CLCA4: variants seen among roughly 807,000 people sequenced by gnomAD.
The protein encoded by CLCA4 is calcium-activated chloride channel regulator 4.
Under a neutral mutation model 78.9 loss-of-function variants are expected in CLCA4, and 69 were observed. The ratio of observed to expected loss-of-function variants is 0.87; its 90% CI spans 0.72 to 1.07. The LOEUF is 1.07. Among genes scored for constraint, CLCA4 ranks in the 50% least tolerant of loss-of-function variants. CLCA4 has a pLI of 0.00. For synonymous variants in CLCA4, 362 were observed against 375.8 expected, an observed-to-expected ratio of 0.96 and a Z score of 0.42; for missense variants, 1,133 against 1,095.8, an observed-to-expected ratio of 1.03 and a Z score of -0.48.
chr1:86,577,880 A>T, intron 11 of CLCA4, 22 bp from the exon 12 acceptor site: 10 of 1,553,680 alleles, frequency 6.4e-6, no homozygotes, highest in East Asian at 2.3e-5. Context: ...ACAAGACTTT[A>T]TTCCTTCATT....
chr1:86,554,948 T>A (rs900966394), intron 1 of CLCA4, among the ~76,000 whole-genome samples: 1 of 152,042 alleles, frequency 6.6e-6, no homozygotes, highest in African/African-American at 2.4e-5. Context: ...GTGTGTTTCT[T>A]TAATGATCAG....
At chr1:86,552,244 C>T (rs530953298) in intron 1 of CLCA4, among the ~76,000 whole-genome samples, 6 of 151,938 alleles carry the variant, frequency 3.9e-5, no homozygotes, top group Non-Finnish European at 8.8e-5. Flanking sequence ...TTGCCCAAAA[C>T]ACTTAAAACT....
intron 8 of CLCA4, among the ~76,000 whole-genome samples, chr1:86,571,623 G>C (rs375809374): frequency 6.6e-5 from 10 of 152,008 alleles, no homozygotes; most frequent in African/African-American, 2.4e-4. Flanking sequence ...AGAAAAAGGG[G>C]GTAAGAAAAG....
At chr1:86,562,382 C>T (rs1285258015) in intron 3 of CLCA4, among the ~76,000 whole-genome samples, 11 of 152,074 alleles carry the variant, frequency 7.2e-5, no homozygotes, top group Non-Finnish European at 1.6e-4. Flanking sequence ...GCCTAGGAAA[C>T]CTGAAACCAG....
intron 8 of CLCA4, among the ~76,000 whole-genome samples, chr1:86,571,678 C>A (rs550944915): frequency 1.3e-5 from 2 of 151,996 alleles, no homozygotes; most frequent in African/African-American, 4.8e-5. Flanking sequence ...GGTGACAATG[C>A]AAGGCGCATG....
chr1:86,565,805 G>A lies in CLCA4; in HGVS notation c.739G>A (p.Val247Ile), dbSNP rs545676551. 5 of 1,510,316 alleles carry A rather than the reference G, an allele frequency of 3.3e-6. No individual in the cohort carries two copies. The highest frequency in any genetic ancestry group is 4.5e-5 in the Admixed American group (2 of 44,706). The allele number at this position is 1,510,316 out of a possible 1,614,324, so 93.6% of individuals were successfully genotyped here. A position where few individuals can be genotyped will look rare whatever the true frequency, so the allele number is the denominator to read the frequency against. Residue 247 changes from valine (V) to isoleucine (I), a missense_variant, in exon 6 of 14, where the codon GTT (valine) becomes ATT (isoleucine). Physicochemically the swap from Val to Ile is conservative, Grantham distance 29. Coordinates refer to ENST00000370563, the MANE Select transcript of CLCA4 (RefSeq NM_012128.4). ...TTTTATTTTATTAACCTTTTAGGTT[G>A]TTGAATTTTGTAACGAAAAAACCCA... ...IMFMQSIDSV[V>I]EFCNEKTHNQ...
rs1650462714 is a variant in CLCA4, at chr1:86,574,884, C to T, written c.1683+129C>T. ...ATTAAGATAAAATAGTATGTACTTTCCATGCCTGTGTCCTTAAAACTATGA... is the reference window on the plus strand; with the variant it reads ...ATTAAGATAAAATAGTATGTACTTTTCATGCCTGTGTCCTTAAAACTATGA... On this transcript the variant is annotated intron_variant, in intron 10 of 13. Coordinates refer to ENST00000370563, the MANE Select transcript of CLCA4 (RefSeq NM_012128.4). The T allele has an allele frequency of 7.3e-6, 5 of 683,498 alleles. No individual in the cohort carries two copies. In the East Asian group the frequency reaches 1.4e-4, roughly 19 times the overall value. 42.3% of individuals were successfully genotyped at this position (683,498 alleles called of 1,614,324 possible).
At position 86,552,368 on chromosome 1, in the gene CLCA4, G is replaced by C. The variant is rs1274403256; in HGVS notation, c.159+5090G>C. 2.0e-5 allele frequency among the ~76,000 whole-genome samples: 3 copies of C among 152,210 alleles called. No individual in the cohort carries two copies. In the East Asian group the frequency reaches 5.8e-4, roughly 29 times the overall value. On this transcript the variant is annotated intron_variant, in intron 1 of 13. Coordinates refer to ENST00000370563, the MANE Select transcript of CLCA4 (RefSeq NM_012128.4). Reference sequence around the variant, plus strand: ...ACGAAGGGCCCAGGGCTGTAAGGACGTCAGGACCGGTCCAGAGAGGAGAAG... The same window carrying C: ...ACGAAGGGCCCAGGGCTGTAAGGACCTCAGGACCGGTCCAGAGAGGAGAAG...
chr1:86,552,383 G>A lies in CLCA4; in HGVS notation c.159+5105G>A, dbSNP rs1412553489. ...CTGTAAGGACGTCAGGACCGGTCCA[G>A]AGAGGAGAAGTCTTCCAGGAGAACA... On this transcript the variant is annotated intron_variant, in intron 1 of 13. Transcript: ENST00000370563. Among the ~76,000 whole-genome samples, 8 of 152,340 alleles carry A rather than the reference G, an allele frequency of 5.3e-5. No individual in the cohort carries two copies. The East Asian group carries it at 1.5e-3, about 29-fold the overall frequency.
chr1:86,565,676 T>C (rs1054426340), intron 5 of CLCA4, 126 bp from the exon 6 acceptor site: 4 of 638,506 alleles, frequency 6.3e-6, no homozygotes, highest in Non-Finnish European at 1.0e-5. Context: ...ATATTGATGC[T>C]CAGTAAATGA....
Position 86,563,646 on chromosome 1 carries a change from A to G in CLCA4, c.449-15A>G, listed in dbSNP as rs777159392. 1.4e-6 allele frequency: 2 copies of G among 1,387,408 alleles called. No homozygotes were observed. Among genetic ancestry groups the G allele is most frequent in the Admixed American group, 4.0e-5 (2 of 49,696 alleles). The allele number at this position is 1,387,408 out of a possible 1,614,324, so 85.9% of individuals were successfully genotyped here. On this transcript the variant is annotated splice_polypyrimidine_tract_variant and intron_variant, in intron 3 of 13. Transcript: ENST00000370563. ...ACTTGGATTATGATCATGTATTTGA[A>G]ATGCTTTCCCACAGGCAAACTGTTT...
chr1:86,580,029 T>C lies in CLCA4; in HGVS notation c.2444T>C (p.Leu815Pro). 1 of 1,612,132 alleles carries C rather than the reference T, an allele frequency of 6.2e-7. No individual in the cohort carries two copies. Among genetic ancestry groups the C allele is most frequent in the Non-Finnish European group, 8.5e-7 (1 of 1,178,650 alleles). The change falls in exon 14 of 14, where the codon CTG becomes CCG. Residue 815 changes from leucine (L) to proline (P), a missense_variant. Physicochemically the swap from Leu to Pro is moderately conservative, Grantham distance 98. Transcript: ENST00000370563. ...DDALQVNTTD[L>P]SPKEANSKES... ...GCTCTTCAAGTAAATACTACTGATC[T>C]GTCACCAAAGGAGGCCAACTCCAAG...
intron 10 of CLCA4, 21 bp downstream of exon 10, chr1:86,574,776 C>T (rs753176853): frequency 1.3e-6 from 2 of 1,547,642 alleles, no homozygotes; most frequent in African/African-American, 1.4e-5. Flanking sequence ...AGCTTTTAGA[C>T]TTCCTGTCAA....
At chr1:86,551,120 C>A (rs1469105794) in intron 1 of CLCA4, among the ~76,000 whole-genome samples, 1 of 151,974 alleles carries the variant, frequency 6.6e-6, no homozygotes, top group East Asian at 1.9e-4. Context: ...CGTGAGCCAC[C>A]GCACCCAGCC....
intron 1 of CLCA4, 77 bp downstream of exon 1, chr1:86,547,355 A>G (rs1649534720): frequency 1.8e-6 from 2 of 1,120,432 alleles, no homozygotes; most frequent in Admixed American, 6.1e-5. Context: ...AATTGTACAT[A>G]TTTATGGCAT....
intron 7 of CLCA4, among the ~76,000 whole-genome samples, chr1:86,568,132 C>T (rs1396173547): frequency 2.0e-5 from 3 of 151,750 alleles, no homozygotes; most frequent in East Asian, 1.9e-4. Context: ...GTAAGCCATA[C>T]GAGTTAGAGC....
chr1:86,576,865 G>T lies in CLCA4; in HGVS notation c.1952-1037G>T, dbSNP rs551644674. ...TCTGCACAGATGGGTGATGCCTAAAGACCCTTTCCCTAGATTCTGGATTGT... is the reference window on the plus strand; with the variant it reads ...TCTGCACAGATGGGTGATGCCTAAATACCCTTTCCCTAGATTCTGGATTGT... On this transcript the variant is annotated intron_variant, in intron 11 of 13. Coordinates refer to ENST00000370563, the MANE Select transcript of CLCA4 (RefSeq NM_012128.4). Among the ~76,000 whole-genome samples, 6 of 152,120 alleles carry T rather than the reference G, an allele frequency of 3.9e-5. No homozygotes were observed. In the South Asian group the frequency reaches 1.2e-3, roughly 32 times the overall value.
rs201791111 is a variant in CLCA4 at position 86,574,543 on chromosome 1, G to A, written c.1471G>A (p.Glu491Lys). ...ATTTTGAAATCTATTTAAACAGCTC[G>A]AAAGTAAGGGATTAACACTGAATAG... is the stretch of plus-strand genomic sequence containing the variant. ...TDLSQKSLQL[E>K]SKGLTLNSNA... Residue 491 changes from glutamate (E) to lysine (K), a missense_variant, in exon 10 of 14, where the codon GAA becomes AAA. Glu to Lys is a moderately conservative substitution (Grantham distance 56). Coordinates refer to ENST00000370563, the MANE Select transcript of CLCA4 (RefSeq NM_012128.4). 52 of 1,610,384 alleles carry A rather than the reference G, an allele frequency of 3.2e-5. No individual in the cohort carries two copies. Among genetic ancestry groups the A allele is most frequent in the East Asian group, 1.6e-4 (7 of 44,800 alleles).
In CLCA4 at chr1:86,565,310, T is replaced by A. The variant is rs768222952; in HGVS notation, c.594T>A (p.Tyr198Ter). 6.2e-7 allele frequency: 1 copy of A among 1,608,002 alleles called. No individual in the cohort carries two copies. Among genetic ancestry groups the A allele is most frequent in the South Asian group, 1.1e-5 (1 of 89,912 alleles). ...GTATCTCTGGTAGAAATAGAGTTTA[T>A]AAGTGTCAAGGAGGCAGCTGTCTTA... is the stretch of plus-strand genomic sequence containing the variant. The part of the protein sequence containing the change: ...SAGISGRNRV[Y>*]KCQGGSCLSR... The change falls in exon 5 of 14, where the codon TAT becomes TAA. Residue 198 changes from tyrosine (Y) to a stop codon, truncating the protein, a stop_gained. Transcript: ENST00000370563. LOFTEE classifies it high-confidence loss of function.
Sources: allele counts gnomAD v4.1 joint callset (sites outside exome capture counted in the v4.1 genomes callset), GRCh38; gene constraint gnomAD v4.1.1; transcripts MANE v1.5; gene names NCBI Gene and HGNC (gene_info 2026-07-23, HGNC 2026-07-21).